LIN54: variants seen among roughly 807,000 people sequenced by gnomAD.
LIN54 encodes the protein lin-54 DREAM MuvB core complex component.
LIN54 carries 9 observed loss-of-function variants against 78.7 expected under a neutral mutation model. The observed-to-expected ratio is 0.11, with a 90% CI of 0.07 to 0.20. The LOEUF (loss-of-function observed/expected upper bound fraction) is 0.20, where lower values mean the gene tolerates loss of function less well. LIN54 is among the 10% of genes least tolerant of loss of function. The pLI is 1.00. For missense variants in LIN54, 573 were observed against 889.9 expected (o/e 0.64, Z 4.53); for synonymous variants, 269 against 318.4 (o/e 0.84, Z 1.65).
At chr4:83,000,684 T>C (rs1437023878) in intron 1 of LIN54, among the ~76,000 whole-genome samples, 1 of 152,070 alleles carries the variant, frequency 6.6e-6, no homozygotes, top group Non-Finnish European at 1.5e-5. Context: ...TTATACATGG[T>C]ACTCTATGGA....
At chr4:82,937,325 A>G (rs762114862) in intron 8 of LIN54, 27 bp from the exon 9 acceptor site, 12 of 1,464,488 alleles carry the variant, frequency 8.2e-6, no homozygotes, top group Non-Finnish European at 1.1e-5. Flanking sequence ...AAAGATATAC[A>G]TTTAATCAAT....
At chr4:82,950,808 A>G (rs918430004) in intron 4 of LIN54, among the ~76,000 whole-genome samples, 1 of 152,126 alleles carries the variant, frequency 6.6e-6, no homozygotes, top group Non-Finnish European at 1.5e-5. Flanking sequence ...TTAGTTTCCT[A>G]TTACTAAATG....
intron 4 of LIN54, among the ~76,000 whole-genome samples, chr4:82,953,131 G>A (rs559198255): frequency 6.6e-6 from 1 of 152,234 alleles, no homozygotes; most frequent in Admixed American, 6.5e-5. Flanking sequence ...TGGGCCTACA[G>A]GCATGCATCA....
chr4:82,964,356 T>C (rs930164946), intron 4 of LIN54, among the ~76,000 whole-genome samples: 4 of 152,162 alleles, frequency 2.6e-5, no homozygotes, highest in African/African-American at 9.7e-5. Flanking sequence ...CCCCAGCCAC[T>C]TACTCTTTTT....
At chr4:82,969,709 C>G (rs1725489659) in intron 4 of LIN54, among the ~76,000 whole-genome samples, 1 of 152,212 alleles carries the variant, frequency 6.6e-6, no homozygotes, top group African/African-American at 2.4e-5. Context: ...GGCTTTCTAT[C>G]TGAATAATAT....
intron 5 of LIN54, among the ~76,000 whole-genome samples, chr4:82,945,791 G>C (rs79331864): frequency 6.6e-6 from 1 of 152,098 alleles, no homozygotes; most frequent in Non-Finnish European, 1.5e-5. Context: ...ACCGTGCCTG[G>C]CCTTTTAATC....
intron 5 of LIN54, among the ~76,000 whole-genome samples, chr4:82,945,246 C>T (rs1311361917): frequency 1.3e-5 from 2 of 152,142 alleles, no homozygotes; most frequent in African/African-American, 4.8e-5. Context: ...CACTTAATTG[C>T]CATCAACTGC....
chr4:82,988,659 C>T (rs377438314), intron 1 of LIN54, among the ~76,000 whole-genome samples: 1 of 152,174 alleles, frequency 6.6e-6, no homozygotes, highest in East Asian at 1.9e-4. Flanking sequence ...TTTATACACC[C>T]TCCAGCAATG....
At chr4:83,004,660 C>T (rs945882465) in intron 1 of LIN54, among the ~76,000 whole-genome samples, 5 of 151,652 alleles carry the variant, frequency 3.3e-5, no homozygotes, top group Non-Finnish European at 2.9e-5. Context: ...ACACTCTGGC[C>T]AATTTTCTTT....
rs528409899 is a variant in LIN54 at position 83,000,827 on chromosome 4, C to CTTTTTTTCT, written c.-33+9656_-33+9657insAGAAAAAAA. Among the ~76,000 whole-genome samples, 16 of 120,536 alleles carry CTTTTTTTCT rather than the reference C, an allele frequency of 1.3e-4. 1 individual carries two copies. The South Asian group carries it at 3.4e-3, about 25-fold the overall frequency. 79.1% of individuals were successfully genotyped at this position (120,536 alleles called of 152,430 possible). On this transcript the variant is annotated intron_variant, in intron 1 of 12. Coordinates refer to ENST00000340417, the MANE Select transcript of LIN54 (RefSeq NM_194282.4). ...GCCATCAAGCCCAAAGCAATAAATTCTTTTTTTTTTTTTGGAGATAGAGTC... is the reference window on the plus strand; with the variant it reads ...GCCATCAAGCCCAAAGCAATAAATTCTTTTTTTCTTTTTTTTTTTTTTGGAGATAGAGTC...
intron 7 of LIN54, 33 bp downstream of exon 7, chr4:82,939,506 T>C: frequency 6.4e-7 from 1 of 1,557,134 alleles, no homozygotes; most frequent in Non-Finnish European, 8.9e-7. Flanking sequence ...ATTATCACTT[T>C]TGCAATACAA....
At chr4:82,992,139 T>C (rs1469176096) in intron 1 of LIN54, among the ~76,000 whole-genome samples, 3 of 152,236 alleles carry the variant, frequency 2.0e-5, no homozygotes, top group East Asian at 1.9e-4. Context: ...TTAGCAGATG[T>C]AGGGCGATTC....
chr4:82,984,374 G>C lies in LIN54; in HGVS notation c.471C>G (p.Pro157=). ...KSGSPIVLAL[P]HSQLPQAQKV... Reference sequence around the variant, plus strand: ...TCTGAGCCTGGGGTAGTTGGCTATGGGGTAGTGCTAAAACAATTGGTGAAC... The same window carrying C: ...TCTGAGCCTGGGGTAGTTGGCTATGCGGTAGTGCTAAAACAATTGGTGAAC... The change falls in exon 2 of 13, where the codon CCC becomes CCG. Residue 157 remains proline, a synonymous_variant. Transcript: ENST00000340417. 6.2e-7 allele frequency: 1 copy of C among 1,614,158 alleles called. No individual in the cohort carries two copies. The highest frequency in any genetic ancestry group is 8.5e-7 in the Non-Finnish European group (1 of 1,180,024).
chr4:83,010,477 C>T lies in LIN54; in HGVS notation c.-33+7G>A. ...GAGAAGCCCTCGGGTACCCCATCCT[C>T]CTCTACCTCCAGCGGCTGCCGCTTT... is the stretch of plus-strand genomic sequence containing the variant. On this transcript the variant is annotated splice_region_variant and intron_variant, in intron 1 of 12. Coordinates refer to ENST00000340417, the MANE Select transcript of LIN54 (RefSeq NM_194282.4). The T allele has an allele frequency of 9.2e-7, 1 of 1,088,494 alleles. No individual in the cohort carries two copies. The highest frequency in any genetic ancestry group is 1.7e-5 in the African/African-American group (1 of 59,604). The allele number at this position is 1,088,494 out of a possible 1,614,324, so 67.4% of individuals were successfully genotyped here. A position where few individuals can be genotyped will look rare whatever the true frequency, so the allele number is the denominator to read the frequency against.
intron 5 of LIN54, among the ~76,000 whole-genome samples, chr4:82,942,858 G>A (rs11932912): frequency 2.1e-4 from 8 of 38,412 alleles, no homozygotes; most frequent in East Asian, 3.6e-3. Context: ...GCGTGTGCGC[G>A]CGCACACACA....
intron 4 of LIN54, among the ~76,000 whole-genome samples, chr4:82,968,526 C>T (rs1015173977): frequency 3.3e-5 from 5 of 152,028 alleles, no homozygotes; most frequent in Non-Finnish European, 7.4e-5. Flanking sequence ...ATCTCTCTTC[C>T]TCTTTAGCCC....
chr4:82,971,961 GA>G (rs1725690190), intron 3 of LIN54, among the ~76,000 whole-genome samples: 1 of 151,348 alleles, frequency 6.6e-6, no homozygotes, highest in Non-Finnish European at 1.5e-5. Context: ...GGGAAAGAGA[GA>G]AAGAAGGGAC....
intron 2 of LIN54, among the ~76,000 whole-genome samples, chr4:82,982,858 TTACTC>T (rs1004268168): frequency 2.6e-5 from 4 of 152,158 alleles, no homozygotes; most frequent in African/African-American, 9.7e-5. Flanking sequence ...AACCAAAACA[TTACTC>T]TAATATCAGC....
rs1000866058 is a variant in LIN54 at position 83,001,342 on chromosome 4, C to T, written c.-33+9142G>A. 3.0e-3 allele frequency among the ~76,000 whole-genome samples: 92 copies of T among 30,926 alleles called. 1 individual carries two copies. Among genetic ancestry groups the T allele is most frequent in the Non-Finnish European group, 5.9e-3 (74 of 12,574 alleles). The allele number at this position is 30,926 out of a possible 152,430, so 20.3% of individuals were successfully genotyped here. ...CAAGGTGAGGGGATCACTTGAGCCC[C>T]GCAGTTTGAGTAACCTGGGCAACCT... On this transcript the variant is annotated intron_variant, in intron 1 of 12. Coordinates refer to ENST00000340417, the MANE Select transcript of LIN54 (RefSeq NM_194282.4).
Sources: gnomAD v4.1 joint callset for allele counts (sites outside exome capture counted in the v4.1 genomes callset) on GRCh38, gnomAD v4.1.1 for gene constraint, MANE v1.5 for transcripts, NCBI Gene and HGNC (gene_info 2026-07-23, HGNC 2026-07-21) for gene names.